Variants in SGCZ observed in about 807,000 individuals in gnomAD.
SGCZ encodes sarcoglycan zeta.
SGCZ carries 40 observed loss-of-function variants against 41.3 expected under a neutral mutation model. The ratio of observed to expected loss-of-function variants is 0.97; its 90% confidence interval spans 0.75 to 1.26. The LOEUF (loss-of-function observed/expected upper bound fraction) is 1.26. Among genes scored for constraint, SGCZ ranks in the 50% most tolerant of loss-of-function variants. SGCZ has a pLI of 0.00. For missense variants in SGCZ, 552 were observed against 369.8 expected, an observed-to-expected ratio of 1.49 and a Z score of -4.04; for synonymous variants, 206 against 137.5, an observed-to-expected ratio of 1.50 and a Z score of -3.49.
intron 1 of SGCZ, among the ~76,000 whole-genome samples, chr8:14,560,521 C>A (rs886323450): frequency 1.3e-5 from 2 of 152,102 alleles, no homozygotes; most frequent in South Asian, 2.1e-4. Context: ...AGGAGACCTT[C>A]CCCTTGTAGA....
intron 3 of SGCZ, among the ~76,000 whole-genome samples, chr8:14,249,909 T>G (rs574251372): frequency 7.8e-4 from 118 of 152,080 alleles, no homozygotes; most frequent in African/African-American, 2.5e-3. Flanking sequence ...ATCAAAAGAG[T>G]AAGTATATCA....
chr8:14,959,209 A>G (rs1048975288), intron 1 of SGCZ, among the ~76,000 whole-genome samples: 2 of 152,134 alleles, frequency 1.3e-5, no homozygotes, highest in African/African-American at 4.8e-5. Context: ...ATTCACATGA[A>G]GCTCTATGAA....
At chr8:14,355,491 C>T (rs1263703154) in intron 2 of SGCZ, among the ~76,000 whole-genome samples, 3 of 152,000 alleles carry the variant, frequency 2.0e-5, no homozygotes, top group Admixed American at 6.6e-5. Flanking sequence ...TCTCTAGAGA[C>T]ATCATTTTAA....
chr8:14,156,542 T>C (rs1357399972), intron 5 of SGCZ, among the ~76,000 whole-genome samples: 1 of 152,180 alleles, frequency 6.6e-6, no homozygotes. Context: ...AACATTTTAA[T>C]ATTATGTAAT....
rs146502554 is a variant in SGCZ, at chr8:14,220,590, A to G, written c.424+17002T>C. On this transcript the variant is annotated intron_variant, in intron 4 of 7. Coordinates refer to ENST00000382080, the MANE Select transcript of SGCZ (RefSeq NM_139167.4). ...TATAAGATAATAAAACCCCAGCCTG[A>G]CCAACATGTTGAAAGCCCGTCTCTA... Among the ~76,000 whole-genome samples, 933 of 151,716 alleles carry G rather than the reference A, an allele frequency of 6.1e-3. 11 individuals are homozygous for G. The highest frequency in any genetic ancestry group is 0.022 in the African/African-American group (891 of 41,360).
intron 1 of SGCZ, among the ~76,000 whole-genome samples, chr8:14,740,790 A>C (rs370961986): frequency 6.6e-6 from 1 of 152,042 alleles, no homozygotes; most frequent in Non-Finnish European, 1.5e-5. Flanking sequence ...CTTTCTCACC[A>C]TAATTTCTTT....
At chr8:15,230,035 T>A (rs111894399) in intron 1 of SGCZ, among the ~76,000 whole-genome samples, 2,428 of 152,312 alleles carry the variant, frequency 0.016, 24 homozygotes, top group Non-Finnish European at 0.025. Context: ...TTTGCATTTT[T>A]AACTATTTTG....
At chr8:15,063,394 T>A (rs1017211216) in intron 1 of SGCZ, among the ~76,000 whole-genome samples, 2 of 152,160 alleles carry the variant, frequency 1.3e-5, no homozygotes, top group African/African-American at 2.4e-5. Context: ...CATGACCATT[T>A]CTTACATGGA....
chr8:14,463,046 T>C (rs1305456397), intron 2 of SGCZ, among the ~76,000 whole-genome samples: 2 of 151,822 alleles, frequency 1.3e-5, no homozygotes, highest in Non-Finnish European at 2.9e-5. Context: ...ATTCTGCTAC[T>C]TTGCTGAATA....
chr8:14,427,663 C>T (rs1319779028), intron 2 of SGCZ, among the ~76,000 whole-genome samples: 1 of 152,142 alleles, frequency 6.6e-6, no homozygotes, highest in South Asian at 2.1e-4. Flanking sequence ...GTAATTGCTT[C>T]CAGCAGCTAG....
intron 1 of SGCZ, among the ~76,000 whole-genome samples, chr8:15,124,865 C>T (rs575878828): frequency 9.9e-5 from 15 of 151,910 alleles, no homozygotes; most frequent in Non-Finnish European, 1.9e-4. Flanking sequence ...TATGTATTTA[C>T]ATGAAAGATC....
chr8:14,767,834 A>G (rs909746525), intron 1 of SGCZ, among the ~76,000 whole-genome samples: 13 of 152,174 alleles, frequency 8.5e-5, no homozygotes, highest in African/African-American at 2.9e-4. Flanking sequence ...CAGAGACTCA[A>G]TTTAATTCAT....
intron 1 of SGCZ, among the ~76,000 whole-genome samples, chr8:14,672,281 C>T (rs1458843272): frequency 6.6e-6 from 1 of 152,042 alleles, no homozygotes; most frequent in African/African-American, 2.4e-5. Flanking sequence ...TAGTAATCTG[C>T]CATTTGCTAA....
chr8:14,710,317 C>A (rs763800570), intron 1 of SGCZ, among the ~76,000 whole-genome samples: 2 of 138,344 alleles, frequency 1.4e-5, no homozygotes, highest in Admixed American at 1.6e-4. Context: ...TTGCAGTGAG[C>A]GGAGATCGCG....
At chr8:14,241,238 A>C (rs1253791390) in intron 3 of SGCZ, among the ~76,000 whole-genome samples, 1 of 151,864 alleles carries the variant, frequency 6.6e-6, no homozygotes. Flanking sequence ...GTGGTTTAAG[A>C]TATTTAAATA....
At chr8:14,447,523 A>T (rs1800466616) in intron 2 of SGCZ, among the ~76,000 whole-genome samples, 1 of 152,312 alleles carries the variant, frequency 6.6e-6, no homozygotes, top group East Asian at 1.9e-4. Context: ...TATGTAATTA[A>T]GGAGTCAGTA....
chr8:14,484,157 ATATT>A (rs1563359101), intron 2 of SGCZ, among the ~76,000 whole-genome samples: 3 of 152,158 alleles, frequency 2.0e-5, no homozygotes, highest in East Asian at 1.9e-4. Context: ...GTTATACACT[ATATT>A]TATTAAGATT....
At chr8:14,373,001 A>G (rs1371160310) in intron 2 of SGCZ, among the ~76,000 whole-genome samples, 1 of 152,220 alleles carries the variant, frequency 6.6e-6, no homozygotes, top group East Asian at 1.9e-4. Flanking sequence ...AGTCACTGCT[A>G]CTGACCCAAG....
At chr8:14,934,117 A>T (rs1485764363) in intron 1 of SGCZ, among the ~76,000 whole-genome samples, 1 of 151,990 alleles carries the variant, frequency 6.6e-6, no homozygotes, top group Non-Finnish European at 1.5e-5. Flanking sequence ...CCTTACAAAA[A>T]CATATCCTTT....
Sources: allele counts gnomAD v4.1 joint callset (sites outside exome capture counted in the v4.1 genomes callset), GRCh38; gene constraint gnomAD v4.1.1; transcripts MANE v1.5; gene names NCBI Gene and HGNC (gene_info 2026-07-23, HGNC 2026-07-21).